The following IL13RA1 variants were observed in gnomAD, a reference collection of about 807,000 sequenced individuals.
IL13RA1 encodes the protein interleukin 13 receptor subunit alpha 1.
In IL13RA1, 14 loss-of-function variants were observed where a neutral mutation model predicts 33.8. The observed-to-expected ratio is 0.41, with a 90% CI of 0.27 to 0.65. The LOEUF (loss-of-function observed/expected upper bound fraction) is 0.65, where lower values mean the gene tolerates loss of function less well. Among genes scored for constraint, IL13RA1 ranks in the 30% least tolerant of loss-of-function variants. The pLI, the probability that IL13RA1 is intolerant of heterozygous loss-of-function variation, is 0.28. For synonymous variants in IL13RA1, 116 were observed against 115.7 expected (o/e 1.00, Z -0.02); for missense variants, 313 against 327.0 (o/e 0.96, Z 0.33).
chrX:118,770,785 A>G (rs927667321), intron 8 of IL13RA1: 2 of 322,531 alleles, frequency 6.2e-6, no homozygotes, highest in Non-Finnish European at 1.2e-5. Context: ...CTGCATCCTT[A>G]CTGGCTTTGT....
intron 9 of IL13RA1, among the ~76,000 whole-genome samples, chrX:118,775,874 G>A (rs1017270730): frequency 1.8e-5 from 2 of 111,378 alleles, no homozygotes; most frequent in Admixed American, 1.9e-4. Flanking sequence ...TGAAGGGAGA[G>A]GTCTGGGCTG....
In IL13RA1 at chrX:118,766,894, A is replaced by T; in HGVS notation, c.927A>T (p.Thr309=). Residue 309 remains threonine, a synonymous_variant, in exon 8 of 11, where the codon ACA becomes ACT. Transcript: ENST00000371666. The part of the protein sequence containing the change: ...VPGVLPDTLN[T]VRIRVKTNKL... ...GTGTTCTTCCTGATACTTTGAACAC[A>T]GTCAGAATAAGAGTCAAAACAAATA... 2 of 1,069,540 alleles carry T rather than the reference A, an allele frequency of 1.9e-6. No individual in the cohort carries two copies. The highest frequency in any genetic ancestry group is 2.6e-6 in the Non-Finnish European group (2 of 769,053). The allele number at this position is 1,069,540 out of a possible 1,213,427, so 88.1% of individuals were successfully genotyped here.
chrX:118,805,091 C>G, the IL13RA1 span, among the ~76,000 whole-genome samples: 1 of 111,861 alleles, frequency 8.9e-6, no homozygotes, highest in Non-Finnish European at 1.9e-5. Context: ...CTCCCTAATT[C>G]CTGTTTTCCC....
intron 10 of IL13RA1, among the ~76,000 whole-genome samples, chrX:118,780,671 T>TA (rs1461882235): frequency 8.9e-6 from 1 of 111,734 alleles, no homozygotes; most frequent in Non-Finnish European, 1.9e-5. Flanking sequence ...AAACAGCTCT[T>TA]ATGAGAACTC....
chrX:118,754,553 T>C (rs1489785355), intron 4 of IL13RA1, among the ~76,000 whole-genome samples: 2 of 109,616 alleles, frequency 1.8e-5, no homozygotes, highest in Non-Finnish European at 3.8e-5. Flanking sequence ...AGGAGAATGG[T>C]GTGAACCCGG....
At chrX:118,774,492 C>T (rs1338684435) in intron 9 of IL13RA1, among the ~76,000 whole-genome samples, 1 of 112,156 alleles carries the variant, frequency 8.9e-6, no homozygotes, top group Non-Finnish European at 1.9e-5. Context: ...ATTAGTTTTC[C>T]AGGGCTCCCT....
At position 118,749,638 on chromosome X, in the gene IL13RA1, T is replaced by A; in HGVS notation, c.368-20T>A. The stretch of plus-strand genomic sequence containing the variant: ...TTACAAGGAAAGAAGGGTCTTAAAC[T>A]CTTGGCCTGGATATTCTAGGTGATC... On this transcript the variant is annotated intron_variant, in intron 3 of 10. Coordinates refer to ENST00000371666, the MANE Select transcript of IL13RA1 (RefSeq NM_001560.3). 1.7e-6 allele frequency: 2 copies of A among 1,204,844 alleles called. No individual in the cohort carries two copies.
At chrX:118,800,332 G>A in the IL13RA1 span, among the ~76,000 whole-genome samples, 14 of 110,241 alleles carry the variant, frequency 1.3e-4, no homozygotes, top group African/African-American at 4.6e-4. Flanking sequence ...TCACTCTTTG[G>A]GTCCACGCTG....
chrX:118,734,471 T>C (rs959704118), intron 1 of IL13RA1, among the ~76,000 whole-genome samples: 13 of 112,234 alleles, frequency 1.2e-4, no homozygotes, highest in Non-Finnish European at 2.3e-4. Flanking sequence ...GTTTTTCATA[T>C]ATAACTTTTA....
intron 10 of IL13RA1, among the ~76,000 whole-genome samples, chrX:118,787,831 T>C (rs2017936010): frequency 8.9e-6 from 1 of 112,237 alleles, no homozygotes. Context: ...CCTTGTTCCC[T>C]GAACATTGCT....
At position 118,791,822 on chromosome X, in the gene IL13RA1, C is replaced by T; in HGVS notation, c.1252C>T (p.Leu418=). The T allele has an allele frequency of 9.6e-7, 1 of 1,045,069 alleles. No homozygotes were observed. The highest frequency in any genetic ancestry group is 1.3e-6 in the Non-Finnish European group (1 of 746,976). 86.1% of individuals were successfully genotyped at this position (1,045,069 alleles called of 1,213,427 possible). A position where few individuals can be genotyped will look rare whatever the true frequency, so the allele number is the denominator to read the frequency against. The change falls in exon 11 of 11, where the codon CTG becomes TTG. Residue 418 remains leucine (L), a synonymous_variant. Coordinates refer to ENST00000371666, the MANE Select transcript of IL13RA1 (RefSeq NM_001560.3). ...QTKEETDSVV[L]IENLKKASQ Reference sequence around the variant, plus strand: ...CAAGGAGGAAACCGACTCTGTAGTGCTGATAGAAAACCTGAAGAAAGCCTC... The same window carrying T: ...CAAGGAGGAAACCGACTCTGTAGTGTTGATAGAAAACCTGAAGAAAGCCTC...
At chrX:118,734,999 G>T (rs2017265586) in intron 1 of IL13RA1, among the ~76,000 whole-genome samples, 5 of 110,895 alleles carry the variant, frequency 4.5e-5, no homozygotes, top group Non-Finnish European at 9.5e-5. Flanking sequence ...ATTTCTTTGT[G>T]ATTTAGTTTT....
intron 1 of IL13RA1, among the ~76,000 whole-genome samples, chrX:118,728,221 C>A (rs1328920178): frequency 8.9e-6 from 1 of 112,393 alleles, no homozygotes; most frequent in Admixed American, 9.3e-5. Context: ...CGCGCCAATC[C>A]TCACTGTCTA....
intron 1 of IL13RA1, among the ~76,000 whole-genome samples, chrX:118,730,325 A>T (rs1224756272): frequency 8.9e-6 from 1 of 112,046 alleles, no homozygotes; most frequent in Middle Eastern, 4.2e-3. Flanking sequence ...ATGATACTAC[A>T]TTGGAGACTG....
At chrX:118,752,287 G>A (rs959114709) in intron 4 of IL13RA1, among the ~76,000 whole-genome samples, 1 of 110,371 alleles carries the variant, frequency 9.1e-6, no homozygotes, top group Non-Finnish European at 1.9e-5. Context: ...ATGCACCCCC[G>A]CCCCTCTTGC....
At chrX:118,796,597 G>C (rs1403871791), downstream of IL13RA1, among the ~76,000 whole-genome samples, 1 of 111,693 alleles carries the variant, frequency 9.0e-6, no homozygotes, top group African/African-American at 3.3e-5. Flanking sequence ...GAGTGCAATG[G>C]CACAATCTCA....
chrX:118,798,513 C>T (rs918770066), downstream of IL13RA1, among the ~76,000 whole-genome samples: 78 of 111,501 alleles, frequency 7.0e-4, no homozygotes, highest in Non-Finnish European at 9.6e-4. Flanking sequence ...TGGGGGGAGA[C>T]AGCCCTCTTT....
At chrX:118,790,667 T>G (rs937154846) in intron 10 of IL13RA1, among the ~76,000 whole-genome samples, 2 of 111,998 alleles carry the variant, frequency 1.8e-5, no homozygotes, top group African/African-American at 6.5e-5. Flanking sequence ...TTTTTAATTT[T>G]AGCCATTCTA....
Position 118,791,777 on chromosome X carries a change from G to C in IL13RA1, c.1207G>C (p.Asp403His), listed in dbSNP as rs149035999. ...NDDTLHWKKY[D>H]IYEKQTKEET... Reference sequence around the variant, plus strand: ...TCCCTTCTAGCACTGGAAGAAGTACGACATCTATGAGAAGCAAACCAAGGA... The same window carrying C: ...TCCCTTCTAGCACTGGAAGAAGTACCACATCTATGAGAAGCAAACCAAGGA... The change falls in exon 11 of 11, where the codon GAC becomes CAC. Residue 403 changes from aspartate (D) to histidine (H), a missense_variant. Physicochemically the swap from Asp to His is moderately conservative, Grantham distance 81 (BLOSUM62 -1). Coordinates refer to ENST00000371666, the MANE Select transcript of IL13RA1 (RefSeq NM_001560.3). 4.9e-6 allele frequency: 5 copies of C among 1,011,331 alleles called. No individual in the cohort carries two copies. The highest frequency in any genetic ancestry group is 7.0e-6 in the Non-Finnish European group (5 of 718,771). The allele number at this position is 1,011,331 out of a possible 1,213,427, so 83.3% of individuals were successfully genotyped here.
Sources: allele counts gnomAD v4.1 joint callset (sites outside exome capture counted in the v4.1 genomes callset), GRCh38; gene constraint gnomAD v4.1.1; transcripts MANE v1.5; gene names NCBI Gene and HGNC (gene_info 2026-07-23, HGNC 2026-07-21).